Variants in ACOXL observed in about 807,000 individuals in gnomAD.
ACOXL encodes acyl-CoA oxidase like, also known as acyl-coenzyme A oxidase-like protein.
Under a neutral mutation model 71.9 loss-of-function variants are expected in ACOXL, and 70 were observed. That is an observed-to-expected ratio of 0.97 (90% CI 0.80 to 1.19). The LOEUF (loss-of-function observed/expected upper bound fraction) is 1.19, where lower values mean the gene tolerates loss of function less well. ACOXL is among the 50% of genes most tolerant of loss of function. The pLI is 0.00. For missense variants in ACOXL, 703 were observed against 736.3 expected (o/e 0.95, Z 0.52); for synonymous variants, 253 against 281.6 (o/e 0.90, Z 1.02).
At chr2:110,766,066 T>A (rs1165036233) in intron 1 of ACOXL, among the ~76,000 whole-genome samples, 1 of 152,220 alleles carries the variant, frequency 6.6e-6, no homozygotes, top group Admixed American at 6.5e-5. Flanking sequence ...GAAATTATGA[T>A]TACTTATTGA....
chr2:110,875,674 G>T (rs1695812194), intron 10 of ACOXL, among the ~76,000 whole-genome samples: 1 of 152,206 alleles, frequency 6.6e-6, no homozygotes, highest in Non-Finnish European at 1.5e-5. Flanking sequence ...CTAGCACCCA[G>T]GTGGAATTGC....
rs56961921 is a variant in ACOXL at position 110,915,428 on chromosome 2, ATT to A, written c.905+6535_905+6536del. On this transcript the variant is annotated intron_variant, in intron 11 of 17. Coordinates refer to ENST00000439055, the MANE Select transcript of ACOXL (RefSeq NM_001142807.4). ...TATACATATATATATATATATATATATTTTTTTTTTTTTGAGATGGAGTCTTG... is the reference window on the plus strand; with the variant it reads ...TATACATATATATATATATATATATATTTTTTTTTTTGAGATGGAGTCTTG... Among the ~76,000 whole-genome samples the A allele has an allele frequency of 8.8e-4, 95 of 107,994 alleles. 1 individual carries two copies. Among genetic ancestry groups the A allele is most frequent in the Middle Eastern group, 5.3e-3 (1 of 188 alleles). The allele number at this position is 107,994 out of a possible 152,430, so 70.8% of individuals were successfully genotyped here.
intron 10 of ACOXL, among the ~76,000 whole-genome samples, chr2:110,900,554 T>G (rs1030446036): frequency 1.3e-5 from 2 of 152,186 alleles, no homozygotes; most frequent in Admixed American, 1.3e-4. Context: ...TTAGAGTCTG[T>G]GTGCAAACCA....
At chr2:110,778,323 T>C (rs1682910580) in intron 2 of ACOXL, among the ~76,000 whole-genome samples, 1 of 152,180 alleles carries the variant, frequency 6.6e-6, no homozygotes, top group Admixed American at 6.5e-5. Context: ...TGCATGTTCA[T>C]TACAGGAAAG....
At chr2:110,999,344 A>C (rs1340592761) in intron 14 of ACOXL, among the ~76,000 whole-genome samples, 1 of 152,210 alleles carries the variant, frequency 6.6e-6, no homozygotes, top group African/African-American at 2.4e-5. Flanking sequence ...CCATCTCTTA[A>C]ATATGGTCAC....
intron 10 of ACOXL, among the ~76,000 whole-genome samples, chr2:110,870,500 T>C (rs150448336): frequency 2.0e-4 from 30 of 152,326 alleles, no homozygotes; most frequent in Admixed American, 7.8e-4. Context: ...ACAAACCTTC[T>C]AGGTGGTTCT....
At chr2:110,848,507 ACT>A (rs1285311464) in intron 10 of ACOXL, among the ~76,000 whole-genome samples, 1 of 151,962 alleles carries the variant, frequency 6.6e-6, no homozygotes, top group African/African-American at 2.4e-5. Flanking sequence ...CCTTAGTGAG[ACT>A]CTTGAGGGCC....
chr2:110,812,144 T>C (rs1309539883), intron 9 of ACOXL, among the ~76,000 whole-genome samples: 2 of 152,210 alleles, frequency 1.3e-5, no homozygotes, highest in African/African-American at 4.8e-5. Context: ...GTAAATAGGA[T>C]GTAGAGTTAT....
intron 11 of ACOXL, among the ~76,000 whole-genome samples, chr2:110,933,104 T>C (rs1558749465): frequency 6.6e-6 from 1 of 152,222 alleles, no homozygotes; most frequent in Non-Finnish European, 1.5e-5. Flanking sequence ...TCTAGTTGAA[T>C]CTTGATTTTT....
chr2:110,871,166 T>C (rs1434826400), intron 10 of ACOXL, among the ~76,000 whole-genome samples: 1 of 152,186 alleles, frequency 6.6e-6, no homozygotes, highest in East Asian at 1.9e-4. Context: ...TTTGCATTCC[T>C]GGAATGCAAA....
At chr2:110,902,770 T>TACAGTATCTCTGAGC (rs2059291853) in intron 10 of ACOXL, among the ~76,000 whole-genome samples, 1 of 151,906 alleles carries the variant, frequency 6.6e-6, no homozygotes, top group Non-Finnish European at 1.5e-5. Flanking sequence ...TGTCTAGGAG[T>TACAGTATCTCTGAGC]GCCCCAGAGA....
In ACOXL at chr2:110,933,024, T is replaced by C. The variant is rs556711013; in HGVS notation, c.906-465T>C. Among the ~76,000 whole-genome samples the C allele has an allele frequency of 2.6e-5, 4 of 152,330 alleles. No individual in the cohort carries two copies. In the South Asian group the frequency reaches 8.3e-4, roughly 32 times the overall value. On this transcript the variant is annotated intron_variant, in intron 11 of 17. Coordinates refer to ENST00000439055, the MANE Select transcript of ACOXL (RefSeq NM_001142807.4). ...TTCCTCTGGTTCGTGTTTGCAGGTATAAATTTTTTTGTTATTTTTCTTTTG... is the reference window on the plus strand; with the variant it reads ...TTCCTCTGGTTCGTGTTTGCAGGTACAAATTTTTTTGTTATTTTTCTTTTG...
intron 10 of ACOXL, among the ~76,000 whole-genome samples, chr2:110,903,355 A>G (rs1439934402): frequency 3.3e-5 from 5 of 152,260 alleles, no homozygotes; most frequent in Admixed American, 6.5e-5. Context: ...GGAATGAAAT[A>G]AAACAACCCA....
intron 14 of ACOXL, among the ~76,000 whole-genome samples, chr2:111,005,108 T>C (rs2063810349): frequency 6.6e-6 from 1 of 152,220 alleles, no homozygotes. Flanking sequence ...ATAGTTCTAA[T>C]TCTCCAAGGG....
rs145361214 is a variant in ACOXL at position 110,753,234 on chromosome 2, C to A, written c.-22-15134C>A. Reference sequence around the variant, plus strand: ...CTTCTACCATGAGTAGAAGTAGAAACCCTCACTGAGGCCTCATCAGAAGCC... The same window carrying A: ...CTTCTACCATGAGTAGAAGTAGAAAACCTCACTGAGGCCTCATCAGAAGCC... On this transcript the variant is annotated intron_variant, in intron 1 of 17. Transcript: ENST00000439055. 9.7e-4 allele frequency among the ~76,000 whole-genome samples: 147 copies of A among 152,274 alleles called. 2 individuals carry two copies. The highest frequency in any genetic ancestry group is 3.3e-3 in the African/African-American group (139 of 41,550).
chr2:110,921,394 C>G (rs1281697396), intron 11 of ACOXL, among the ~76,000 whole-genome samples: 2 of 128,610 alleles, frequency 1.6e-5, no homozygotes, highest in East Asian at 2.4e-4. Context: ...ATCCACCCCC[C>G]CCCCCCTTTT....
At chr2:110,831,634 T>C (rs1689837026) in intron 9 of ACOXL, among the ~76,000 whole-genome samples, 1 of 152,202 alleles carries the variant, frequency 6.6e-6, no homozygotes, top group South Asian at 2.1e-4. Context: ...TAAACAATTC[T>C]GAAAAAGAAG....
chr2:110,996,138 A>G (rs745962267), intron 14 of ACOXL, 134 bp downstream of exon 14: 28 of 702,880 alleles, frequency 4.0e-5, no homozygotes, highest in African/African-American at 4.0e-4. Context: ...TAGAGTTCCT[A>G]CGGGCCATTT....
intron 12 of ACOXL, chr2:110,963,588 TG>T (rs766957289): frequency 1.3e-5 from 21 of 1,602,272 alleles, no homozygotes; most frequent in African/African-American, 5.4e-5. Context: ...TGTGTGTGTG[TG>T]TGTGTGTGTG....
Sources: gnomAD v4.1 joint callset for allele counts (sites outside exome capture counted in the v4.1 genomes callset) on GRCh38, gnomAD v4.1.1 for gene constraint, MANE v1.5 for transcripts, NCBI Gene and HGNC (gene_info 2026-07-23, HGNC 2026-07-21) for gene names.